Variants in LRP1 observed in about 807,000 individuals in gnomAD.
LRP1 encodes the protein prolow-density lipoprotein receptor-related protein 1.
LRP1 carries 51 observed loss-of-function variants against 541.5 expected under a neutral mutation model. The observed-to-expected ratio is 0.09, with a 90% CI of 0.08 to 0.12. The LOEUF is 0.12. LRP1 is among the 10% of genes least tolerant of loss of function. LRP1 has a pLI of 1.00. For missense variants in LRP1, 3,878 were observed against 6,376.2 expected, an observed-to-expected ratio of 0.61 and a Z score of 13.34; for synonymous variants, 2,219 against 2,470.8, an observed-to-expected ratio of 0.90 and a Z score of 3.02.
rs374181151 is a variant in LRP1 at position 57,201,460 on chromosome 12, G to C, written c.10346-37G>C. On this transcript the variant is annotated intron_variant, in intron 65 of 88. Coordinates refer to ENST00000243077, the MANE Select transcript of LRP1 (RefSeq NM_002332.3). The surrounding 1 kb of genome is among the most constrained non-coding windows in gnomAD (Gnocchi z 6.4). The stretch of plus-strand genomic sequence containing the variant: ...GTGATGGTGAACTGGAGTGGCAGGT[G>C]TAAGGGAGGGCCCTCATTCTCTTGC... 23 of 1,583,278 alleles carry C rather than the reference G, an allele frequency of 1.5e-5. No individual in the cohort carries two copies. In the South Asian group the frequency reaches 2.5e-4, roughly 18 times the overall value.
chr12:57,209,622 A>T, intron 79 of LRP1, 70 bp from the exon 80 acceptor site: 1 of 1,326,924 alleles, frequency 7.5e-7, no homozygotes, highest in Non-Finnish European at 1.1e-6. Context: ...CACAGGTGCC[A>T]GTGTCGTGGA....
intron 76 of LRP1, among the ~76,000 whole-genome samples, chr12:57,207,583 T>G: frequency 6.6e-6 from 1 of 150,414 alleles, no homozygotes. Context: ...GGGCAAAGGT[T>G]GAGAGTGGGG....
chr12:57,161,825 G>A (rs1038033149), intron 13 of LRP1, among the ~76,000 whole-genome samples: 3 of 152,060 alleles, frequency 2.0e-5, no homozygotes, highest in Non-Finnish European at 2.9e-5. Flanking sequence ...TGGATCACCC[G>A]TATGTGCCCT....
At chr12:57,172,906 CA>C (rs1177976182) in intron 20 of LRP1, among the ~76,000 whole-genome samples, 1 of 152,154 alleles carries the variant, frequency 6.6e-6, no homozygotes, top group Non-Finnish European at 1.5e-5. Flanking sequence ...CAGGCCTTAG[CA>C]AATTGCTTCT....
intron 76 of LRP1, among the ~76,000 whole-genome samples, chr12:57,207,319 AAAT>A (rs776005032): frequency 0.27 from 24,313 of 90,838 alleles, 2,798 homozygotes; most frequent in African/African-American, 0.4. Flanking sequence ...ATAAATAAAT[AAAT>A]AAAATAAAAT....
At chr12:57,191,988 CACACATAGGACACACATACACATG>C (rs1296078798) in intron 44 of LRP1, among the ~76,000 whole-genome samples, 34 of 15,618 alleles carry the variant, frequency 2.2e-3, no homozygotes, top group Non-Finnish European at 3.3e-3. Context: ...ACATACACAC[CACACATAGGACACACATACACATG>C]CCACACACCT....
At chr12:57,144,801 G>A in intron 4 of LRP1, 171 bp from the exon 5 acceptor site, 1 of 660,304 alleles carries the variant, frequency 1.5e-6, no homozygotes, top group African/African-American at 1.8e-5. Flanking sequence ...TGGATTCCAA[G>A]ACTGGACTTG....
chr12:57,131,083 C>T (rs1592595815), intron 1 of LRP1, among the ~76,000 whole-genome samples: 1 of 152,300 alleles, frequency 6.6e-6, no homozygotes, highest in Non-Finnish European at 1.5e-5. Flanking sequence ...GCCCTCTTGC[C>T]TCAGGGTCCA....
At chr12:57,141,260 G>A (rs1476736741) in intron 2 of LRP1, 114 bp from the exon 3 acceptor site, 6 of 1,215,154 alleles carry the variant, frequency 4.9e-6, no homozygotes, top group East Asian at 2.5e-5. Flanking sequence ...AACTAGCCCC[G>A]AGGCCTCCTG....
At chr12:57,166,852 G>T in intron 17 of LRP1, 78 bp from the exon 18 acceptor site, 1 of 781,540 alleles carries the variant, frequency 1.3e-6, no homozygotes, top group South Asian at 1.5e-5. Flanking sequence ...GACACCAAAG[G>T]CAGAGAATAA....
rs940095800 is a variant in LRP1 at position 57,197,861 on chromosome 12, T to C, written c.9282+197T>C. ...TGGGAGATTCCTCTTGCCCTTCCCC[T>C]CGCTGCCAGCCTCATGTCTCCTTAA... is the stretch of plus-strand genomic sequence containing the variant. On this transcript the variant is annotated intron_variant, in intron 58 of 88. Transcript: ENST00000243077. The surrounding 1 kb of genome is among the most constrained non-coding windows in gnomAD (Gnocchi z 4.5). Among the ~76,000 whole-genome samples the C allele has an allele frequency of 6.6e-6, 1 of 152,132 alleles. No individual in the cohort carries two copies. The highest frequency in any genetic ancestry group is 2.4e-5 in the African/African-American group (1 of 41,422).
chr12:57,194,316 G>C (rs775309234), intron 48 of LRP1, 38 bp from the exon 49 acceptor site: 4 of 1,505,628 alleles, frequency 2.7e-6, no homozygotes, highest in Non-Finnish European at 3.5e-6. Flanking sequence ...GGTGATCCAG[G>C]GGGAACCAGG....
At position 57,190,964 on chromosome 12, in the gene LRP1, C is replaced by G. The variant is rs2036365980; in HGVS notation, c.7191C>G (p.Thr2397=). Residue 2397 remains threonine, a synonymous_variant, in exon 43 of 89, where the codon ACC becomes ACG. Coordinates refer to ENST00000243077, the MANE Select transcript of LRP1 (RefSeq NM_002332.3). ...AGAAGCTCTACTTCTCTGACGCCAC[C>G]CTGGACAAGATCGAGCGGTGCGAGT... The part of the protein sequence containing the change: ...RAEKLYFSDA[T]LDKIERCEYD... 1 of 1,613,028 alleles carries G rather than the reference C, an allele frequency of 6.2e-7. No homozygotes were observed. The highest frequency in any genetic ancestry group is 8.5e-7 in the Non-Finnish European group (1 of 1,179,994).
rs766736081 is a variant in LRP1 at position 57,191,496 on chromosome 12, C to G, written c.7413C>G (p.Ala2471=). The change falls in exon 44 of 89, where the codon GCC becomes GCG. Residue 2471 remains alanine, a synonymous_variant. Transcript: ENST00000243077. Reference sequence around the variant, plus strand: ...AGCCCATGGGCATCATCGCCGTGGCCAACGACACCAACAGCTGTGAGTGGG... The same window carrying G: ...AGCCCATGGGCATCATCGCCGTGGCGAACGACACCAACAGCTGTGAGTGGG... ...PQQPMGIIAV[A]NDTNSCELSP... 2 of 1,593,902 alleles carry G rather than the reference C, an allele frequency of 1.3e-6. No individual in the cohort carries two copies. The highest frequency in any genetic ancestry group is 3.4e-5 in the Admixed American group (2 of 59,426).
In LRP1 at chr12:57,158,819, G is replaced by A. The variant is rs34856666; in HGVS notation, c.1798+181G>A. On this transcript the variant is annotated intron_variant, in intron 11 of 88. Coordinates refer to ENST00000243077, the MANE Select transcript of LRP1 (RefSeq NM_002332.3). This position sits in a 1 kb window ranked among gnomAD's most constrained non-coding sequence, Gnocchi z 5.3. Reference sequence around the variant, plus strand: ...TGACCCCCTTCTTGGCTGAGCCAAAGAGGCAGGGTTAGGATGGGTTAGGCA... The same window carrying A: ...TGACCCCCTTCTTGGCTGAGCCAAAAAGGCAGGGTTAGGATGGGTTAGGCA... Among the ~76,000 whole-genome samples, 1,324 of 152,296 alleles carry A rather than the reference G, an allele frequency of 8.7e-3. 11 individuals are homozygous for A. The highest frequency in any genetic ancestry group is 0.03 in the African/African-American group (1,253 of 41,558).
At chr12:57,208,866 C>G (rs372253892) in intron 78 of LRP1, 49 bp downstream of exon 78, 7 of 1,455,368 alleles carry the variant, frequency 4.8e-6, no homozygotes, top group South Asian at 3.4e-5. Context: ...GGGCCCGGCT[C>G]GCAGAGCCCA....
At position 57,206,875 on chromosome 12, in the gene LRP1, G is replaced by C; in HGVS notation, c.11859+134G>C. On this transcript the variant is annotated intron_variant, in intron 76 of 88. Transcript: ENST00000243077. This position sits in a 1 kb window ranked among gnomAD's most constrained non-coding sequence, Gnocchi z 4.7. ...TAATCCCAGCACTTTGGGAGGCCAA[G>C]GCGGGCAGATCACCTGAGATCAGGA... The C allele has an allele frequency of 2.0e-6, 2 of 989,032 alleles. No homozygotes were observed. Among genetic ancestry groups the C allele is most frequent in the South Asian group, 3.2e-5 (2 of 63,052 alleles). 61.3% of individuals were successfully genotyped at this position (989,032 alleles called of 1,614,324 possible). A position where few individuals can be genotyped will look rare whatever the true frequency, so the allele number is the denominator to read the frequency against.
At position 57,212,123 on chromosome 12, in the gene LRP1, G is replaced by C; in HGVS notation, c.13356G>C (p.Lys4452Asn). 1.2e-6 allele frequency: 2 copies of C among 1,613,946 alleles called. No individual in the cohort carries two copies. Among genetic ancestry groups the C allele is most frequent in the Non-Finnish European group, 1.7e-6 (2 of 1,179,956 alleles). ...FWYKRRVQGAKGFQHQRMTNG... is the reference protein window; with the variant it reads ...FWYKRRVQGANGFQHQRMTNG... Reference sequence around the variant, plus strand: ...TACTCCTGCCTTTCCCCAGGGCTAAGGGCTTCCAGCACCAACGGATGACCA... The same window carrying C: ...TACTCCTGCCTTTCCCCAGGGCTAACGGCTTCCAGCACCAACGGATGACCA... The change falls in exon 88 of 89, where the codon AAG (lysine) becomes AAC (asparagine). Residue 4452 changes from lysine (K) to asparagine (N), a missense_variant. This residue lies in a region of LRP1 where 871 missense variants were observed against 1,212.4 expected (regional missense o/e 0.72). Coordinates refer to ENST00000243077, the MANE Select transcript of LRP1 (RefSeq NM_002332.3). This position sits in a 1 kb window ranked among gnomAD's most constrained non-coding sequence, Gnocchi z 5.0.
chr12:57,149,578 G>A (rs536159773), intron 6 of LRP1: 4 of 697,970 alleles, frequency 5.7e-6, no homozygotes, highest in Middle Eastern at 2.3e-4. Context: ...TGGGCTGAGT[G>A]GAATCCAGGC....
Sources: allele counts gnomAD v4.1 joint callset (sites outside exome capture counted in the v4.1 genomes callset), GRCh38; gene constraint gnomAD v4.1.1; regional missense constraint gnomAD v4.1.1; non-coding constraint Gnocchi (gnomAD v3.1); transcripts MANE v1.5; gene names NCBI Gene and HGNC (gene_info 2026-07-23, HGNC 2026-07-21).